The following ENKUR variants were observed in gnomAD, a reference collection of about 807,000 sequenced individuals.
The protein encoded by ENKUR is enkurin.
In ENKUR, 19 loss-of-function variants were observed where a neutral mutation model predicts 27.6. The observed-to-expected ratio is 0.69, with a 90% CI of 0.48 to 1.01. ENKUR has a LOEUF of 1.01. Among genes scored for constraint, ENKUR ranks in the 50% least tolerant of loss-of-function variants. ENKUR has a pLI of 0.00. For synonymous variants in ENKUR, 117 were observed against 96.9 expected (o/e 1.21, Z -1.22); for missense variants, 312 against 310.5 (o/e 1.00, Z -0.04).
intron 4 of ENKUR, among the ~76,000 whole-genome samples, chr10:24,985,250 T>C (rs891512626): frequency 6.6e-6 from 1 of 152,226 alleles, no homozygotes; most frequent in Non-Finnish European, 1.5e-5. Flanking sequence ...CAACTTAGAA[T>C]GATATCCTCG....
rs767489959 is a variant in ENKUR at position 24,995,632 on chromosome 10, T to C, written c.447+14A>G. On this transcript the variant is annotated intron_variant, in intron 3 of 5. Coordinates refer to ENST00000331161, the MANE Select transcript of ENKUR (RefSeq NM_145010.4). ...TTGAATTTCAGCCCTCTTATTAATA[T>C]ACCACAAGGCTACCTTTTTATTGAT... 1 of 1,596,194 alleles carries C rather than the reference T, an allele frequency of 6.3e-7. No homozygotes were observed. The highest frequency in any genetic ancestry group is 1.1e-5 in the South Asian group (1 of 87,752).
intron 2 of ENKUR, among the ~76,000 whole-genome samples, chr10:25,022,445 T>C (rs926797502): frequency 1.3e-5 from 2 of 152,212 alleles, no homozygotes; most frequent in Admixed American, 6.5e-5. Flanking sequence ...TGATTATTAA[T>C]TTTTCTTAAC....
At chr10:25,028,429 G>A (rs1333065119) in intron 2 of ENKUR, among the ~76,000 whole-genome samples, 1 of 152,052 alleles carries the variant, frequency 6.6e-6, no homozygotes, top group Non-Finnish European at 1.5e-5. Flanking sequence ...TCTTTTTAAA[G>A]GCCAGTCTCT....
rs562378741 is a variant in ENKUR at position 24,988,540 on chromosome 10, A to G, written c.594+1923T>C. Among the ~76,000 whole-genome samples the G allele has an allele frequency of 2.0e-5, 3 of 147,486 alleles. No individual in the cohort carries two copies. In the South Asian group the frequency reaches 6.4e-4, roughly 31 times the overall value. ...TGAGAGGAACTACGGATCTATGTAC[A>G]TGTAGAGATATGAATGTGTGTCTGT... On this transcript the variant is annotated intron_variant, in intron 4 of 5. Coordinates refer to ENST00000331161, the MANE Select transcript of ENKUR (RefSeq NM_145010.4).
intron 2 of ENKUR, among the ~76,000 whole-genome samples, chr10:25,036,192 G>T (rs192618090): frequency 3.3e-5 from 5 of 152,154 alleles, no homozygotes; most frequent in Non-Finnish European, 7.4e-5. Context: ...GAGGGACCTG[G>T]TGGGAGATAA....
At chr10:24,998,929 G>A (rs1280602182) in intron 2 of ENKUR, among the ~76,000 whole-genome samples, 2 of 152,172 alleles carry the variant, frequency 1.3e-5, no homozygotes, top group African/African-American at 2.4e-5. Flanking sequence ...TTGCAGTCCA[G>A]TTAGTCTTAA....
intron 1 of ENKUR, among the ~76,000 whole-genome samples, chr10:25,005,275 G>A (rs1351913225): frequency 1.3e-5 from 2 of 152,082 alleles, no homozygotes; most frequent in African/African-American, 4.8e-5. Flanking sequence ...AACTAAAATT[G>A]TCATCTTCAG....
At chr10:25,056,698 CTG>C (rs1851260369) in intron 2 of ENKUR, among the ~76,000 whole-genome samples, 1 of 152,194 alleles carries the variant, frequency 6.6e-6, no homozygotes, top group African/African-American at 2.4e-5. Flanking sequence ...GCAAGACATA[CTG>C]AAACGTTAGT....
intron 1 of ENKUR, among the ~76,000 whole-genome samples, chr10:25,005,941 T>C (rs940946314): frequency 6.6e-5 from 10 of 152,238 alleles, no homozygotes; most frequent in Admixed American, 2.6e-4. Context: ...CACATGTGGA[T>C]ATTGAGCACT....
intron 1 of ENKUR, chr10:25,061,440 T>C: frequency 2.9e-6 from 1 of 344,306 alleles, no homozygotes; most frequent in Non-Finnish European, 5.2e-6. Flanking sequence ...CTCTTCCTCC[T>C]TCTGCTCCTC....
chr10:25,031,711 T>A (rs906388826), intron 2 of ENKUR, among the ~76,000 whole-genome samples: 1 of 151,888 alleles, frequency 6.6e-6, no homozygotes. Context: ...TTTTCTGTTA[T>A]AGGTTACCAT....
At chr10:25,033,825 G>GTCTATCTATCA (rs1554773530) in intron 2 of ENKUR, among the ~76,000 whole-genome samples, 1 of 148,620 alleles carries the variant, frequency 6.7e-6, no homozygotes. Flanking sequence ...GTGTGTGTGT[G>GTCTATCTATCA]TCTATCTATC....
chr10:25,009,110 G>A (rs548275525), intron 1 of ENKUR, among the ~76,000 whole-genome samples: 1 of 152,176 alleles, frequency 6.6e-6, no homozygotes, highest in Non-Finnish European at 1.5e-5. Context: ...CTGTTGTGGG[G>A]TGGGAGGAGA....
At chr10:25,038,378 A>G (rs563524519) in intron 2 of ENKUR, among the ~76,000 whole-genome samples, 1 of 152,308 alleles carries the variant, frequency 6.6e-6, no homozygotes, top group East Asian at 1.9e-4. Context: ...ATCTCCACTT[A>G]TGATAATACA....
rs182833664 is a variant in ENKUR, at chr10:24,985,770, A to G, written c.595-865T>C. Among the ~76,000 whole-genome samples the G allele has an allele frequency of 9.2e-5, 14 of 152,374 alleles. 1 individual carries two copies. The highest frequency in any genetic ancestry group is 7.2e-4 in the Admixed American group (11 of 15,308). ...AGTCAACACTTTTTAATTATTCATT[A>G]TGGGCACATAGATTATTTTATTTAC... On this transcript the variant is annotated intron_variant, in intron 4 of 5. Transcript: ENST00000331161.
chr10:25,020,944 G>C (rs74122929), upstream of ENKUR, among the ~76,000 whole-genome samples: 1 of 152,254 alleles, frequency 6.6e-6, no homozygotes, highest in African/African-American at 2.4e-5. Flanking sequence ...TTAAAGTCCA[G>C]TACCAGAATA....
At chr10:25,024,632 C>G in intron 2 of ENKUR, 1 of 1,614,236 alleles carries the variant, frequency 6.2e-7, no homozygotes. Context: ...TCGGCTAACT[C>G]CATAAACTGG....
chr10:25,038,531 G>A (rs1851030523), intron 2 of ENKUR, among the ~76,000 whole-genome samples: 1 of 152,152 alleles, frequency 6.6e-6, no homozygotes, highest in Non-Finnish European at 1.5e-5. Context: ...CCTTTATGAG[G>A]ATCTAATAAA....
At chr10:24,989,445 C>T (rs985810692) in intron 4 of ENKUR, among the ~76,000 whole-genome samples, 8 of 152,174 alleles carry the variant, frequency 5.3e-5, no homozygotes, top group East Asian at 1.9e-4. Context: ...GCCCAGCTAA[C>T]GATCTACAAT....
Sources: gnomAD v4.1 joint callset for allele counts (sites outside exome capture counted in the v4.1 genomes callset) on GRCh38, gnomAD v4.1.1 for gene constraint, MANE v1.5 for transcripts, NCBI Gene and HGNC (gene_info 2026-07-23, HGNC 2026-07-21) for gene names.